The following C10orf90 variants were observed in gnomAD, a reference collection of about 807,000 sequenced individuals.
The protein encoded by C10orf90 is chromosome 10 open reading frame 90, also known as (E2-independent) E3 ubiquitin-conjugating enzyme FATS.
A neutral mutation model predicts 62.5 loss-of-function variants in C10orf90; 56 were observed. The observed-to-expected ratio is 0.90, with a 90% CI of 0.72 to 1.12. C10orf90 has a LOEUF of 1.12. C10orf90 is among the 50% of genes most tolerant of loss of function. The pLI, the probability that C10orf90 is intolerant of heterozygous loss-of-function variation, is 0.00. For missense variants in C10orf90, 970 were observed against 880.4 expected (o/e 1.10, Z -1.29); for synonymous variants, 386 against 340.4 (o/e 1.13, Z -1.47).
Position 126,658,229 on chromosome 10 carries a change from A to T in C10orf90, c.241-11592T>A, listed in dbSNP as rs73370877. ...AGTGATGTTCTGAAAAACATGAGTGATCAGTAGCCCTATCAAAATCTCTCT... is the reference window on the plus strand; with the variant it reads ...AGTGATGTTCTGAAAAACATGAGTGTTCAGTAGCCCTATCAAAATCTCTCT... On this transcript the variant is annotated intron_variant, in intron 1 of 9. Coordinates refer to ENST00000488181, the MANE Select transcript of C10orf90 (RefSeq NM_001350921.2). 4.5e-3 allele frequency among the ~76,000 whole-genome samples: 683 copies of T among 152,326 alleles called. 4 individuals are homozygous for T. Among genetic ancestry groups the T allele is most frequent in the African/African-American group, 0.016 (661 of 41,566 alleles).
intron 2 of C10orf90, among the ~76,000 whole-genome samples, chr10:126,557,800 T>G (rs534655146): frequency 4.6e-5 from 7 of 152,278 alleles, no homozygotes; most frequent in South Asian, 2.1e-4. Context: ...TTTCTGCTCC[T>G]TTTTGTTTTT....
At chr10:126,519,752 ACT>A (rs1227722587) in intron 2 of C10orf90, among the ~76,000 whole-genome samples, 1 of 152,146 alleles carries the variant, frequency 6.6e-6, no homozygotes, top group Admixed American at 6.5e-5. Flanking sequence ...CCTGTCTTCA[ACT>A]TCTGGTCTCC....
Position 126,648,567 on chromosome 10 carries a change from C to A in C10orf90, c.241-1930G>T, listed in dbSNP as rs139333312. ...CTTTTTCTCTGACTTAGCGTAGACG[C>A]GCCATGGGAAATATTGGATAATGCA... On this transcript the variant is annotated intron_variant, in intron 1 of 9. Coordinates refer to ENST00000488181, the MANE Select transcript of C10orf90 (RefSeq NM_001350921.2). 2.6e-5 allele frequency among the ~76,000 whole-genome samples: 4 copies of A among 152,268 alleles called. No homozygotes were observed. The East Asian group carries it at 7.7e-4, about 29-fold the overall frequency.
chr10:126,496,923 G>T (rs188723380), intron 4 of C10orf90, among the ~76,000 whole-genome samples: 3 of 152,182 alleles, frequency 2.0e-5, no homozygotes, highest in Admixed American at 6.5e-5. Flanking sequence ...GAATCCTGCC[G>T]TCCAGGAATG....
At chr10:126,615,483 T>G (rs533853687) in intron 2 of C10orf90, among the ~76,000 whole-genome samples, 1 of 152,316 alleles carries the variant, frequency 6.6e-6, no homozygotes, top group East Asian at 1.9e-4. Context: ...AGCCATTATC[T>G]ATGAAAAAAA....
intron 2 of C10orf90, among the ~76,000 whole-genome samples, chr10:126,643,288 A>G (rs1265668339): frequency 6.6e-6 from 1 of 152,220 alleles, no homozygotes; most frequent in Non-Finnish European, 1.5e-5. Context: ...CCTGGAGTTT[A>G]CTATGTGGCC....
At chr10:126,655,545 T>A (rs1846375948) in intron 1 of C10orf90, among the ~76,000 whole-genome samples, 1 of 152,106 alleles carries the variant, frequency 6.6e-6, no homozygotes. Context: ...TAAAGTAAAG[T>A]GCAATAGAAT....
chr10:126,650,816 C>T (rs1846277486), intron 1 of C10orf90, among the ~76,000 whole-genome samples: 1 of 152,114 alleles, frequency 6.6e-6, no homozygotes, highest in Non-Finnish European at 1.5e-5. Flanking sequence ...ACCTAAGTGT[C>T]CAAGAACAAG....
chr10:126,521,506 C>G, intron 2 of C10orf90: 1 of 1,393,886 alleles, frequency 7.2e-7, no homozygotes, highest in Non-Finnish European at 9.3e-7. Flanking sequence ...AATGAAGTCA[C>G]CGGAATGTTT....
intron 2 of C10orf90, among the ~76,000 whole-genome samples, chr10:126,551,058 A>C (rs1042493580): frequency 6.6e-6 from 1 of 152,198 alleles, no homozygotes; most frequent in Non-Finnish European, 1.5e-5. Context: ...AAATGTTCTA[A>C]ATACACAAAT....
intron 2 of C10orf90, among the ~76,000 whole-genome samples, chr10:126,583,356 C>T (rs1844792843): frequency 6.6e-6 from 1 of 152,158 alleles, no homozygotes; most frequent in South Asian, 2.1e-4. Context: ...ATATGAAGAA[C>T]TAAAAGTCTC....
At chr10:126,427,774 A>C (rs1016481802) in intron 8 of C10orf90, among the ~76,000 whole-genome samples, 5 of 152,152 alleles carry the variant, frequency 3.3e-5, no homozygotes, top group Admixed American at 2.6e-4. Context: ...CTCTGGTTTT[A>C]AGGCTTTTGA....
chr10:126,515,126 C>A (rs538064418), intron 2 of C10orf90, among the ~76,000 whole-genome samples: 12 of 152,272 alleles, frequency 7.9e-5, no homozygotes, highest in African/African-American at 1.4e-4. Flanking sequence ...ACCTTTCGGT[C>A]AATGAAGGAC....
rs3812674 is a variant in C10orf90, at chr10:126,433,732, G to C, written c.2189-3882C>G. ...GTTTGAAAACAAAACAAAACAAAAC[G>C]AAAACAAAACAAAACAAAACAGAGA... On this transcript the variant is annotated intron_variant, in intron 7 of 9. Coordinates refer to ENST00000488181, the MANE Select transcript of C10orf90 (RefSeq NM_001350921.2). Among the ~76,000 whole-genome samples the C allele has an allele frequency of 1.6e-3, 249 of 152,102 alleles. 1 individual carries two copies. Among genetic ancestry groups the C allele is most frequent in the Admixed American group, 3.9e-3 (60 of 15,288 alleles).
chr10:126,516,220 T>A (rs1041318994), intron 2 of C10orf90, among the ~76,000 whole-genome samples: 8 of 152,200 alleles, frequency 5.3e-5, no homozygotes, highest in African/African-American at 1.9e-4. Flanking sequence ...CCTGCAAAAA[T>A]GCTGCTTTGC....
intron 2 of C10orf90, among the ~76,000 whole-genome samples, chr10:126,630,537 T>A (rs1845831992): frequency 6.6e-6 from 1 of 152,104 alleles, no homozygotes; most frequent in East Asian, 1.9e-4. Flanking sequence ...GAAACTTCAC[T>A]CAAGCCAAGT....
At chr10:126,565,408 A>ATATATATT (rs1844356081) in intron 2 of C10orf90, among the ~76,000 whole-genome samples, 1 of 44,974 alleles carries the variant, frequency 2.2e-5, no homozygotes, top group Non-Finnish European at 4.1e-5. Context: ...TATTATATAT[A>ATATATATT]ATATATATTA....
At chr10:126,459,776 A>G (rs1859843656) in intron 6 of C10orf90, among the ~76,000 whole-genome samples, 1 of 152,200 alleles carries the variant, frequency 6.6e-6, no homozygotes, top group Non-Finnish European at 1.5e-5. Flanking sequence ...GCCTATACAG[A>G]AAGTTCTGTG....
chr10:126,578,541 A>G (rs1263672984), intron 2 of C10orf90, among the ~76,000 whole-genome samples: 3 of 152,214 alleles, frequency 2.0e-5, no homozygotes, highest in African/African-American at 7.2e-5. Flanking sequence ...CTGGTGGTGA[A>G]TATTAGTGAA....
Sources: gnomAD v4.1 joint callset for allele counts (sites outside exome capture counted in the v4.1 genomes callset) on GRCh38, gnomAD v4.1.1 for gene constraint, MANE v1.5 for transcripts, NCBI Gene and HGNC (gene_info 2026-07-23, HGNC 2026-07-21) for gene names.